MAGI1: variants seen among roughly 807,000 people sequenced by gnomAD.
MAGI1 encodes membrane-associated guanylate kinase, WW and PDZ domain-containing protein 1.
Under a neutral mutation model 139.9 loss-of-function variants are expected in MAGI1, and 58 were observed. The ratio of observed to expected loss-of-function variants is 0.41; its 90% CI spans 0.34 to 0.52. The LOEUF (loss-of-function observed/expected upper bound fraction) is 0.52. Among genes scored for constraint, MAGI1 ranks in the 20% least tolerant of loss-of-function variants. The probability of loss-of-function intolerance (pLI) is 0.12; values close to 1 mark genes in which losing one functional copy is unlikely to be tolerated. For synonymous variants in MAGI1, 812 were observed against 737.9 expected, an observed-to-expected ratio of 1.10 and a Z score of -1.63; for missense variants, 1,874 against 1,901.6, an observed-to-expected ratio of 0.99 and a Z score of 0.27.
At chr3:65,822,007 A>G (rs2041977200) in intron 1 of MAGI1, among the ~76,000 whole-genome samples, 1 of 152,198 alleles carries the variant, frequency 6.6e-6, no homozygotes, top group South Asian at 2.1e-4. Flanking sequence ...GATGGAAAGC[A>G]TCAAGTGCCT....
intron 1 of MAGI1, among the ~76,000 whole-genome samples, chr3:65,655,055 A>C (rs551222616): frequency 2.6e-5 from 4 of 152,232 alleles, no homozygotes; most frequent in Non-Finnish European, 5.9e-5. Flanking sequence ...TGGAATAGCA[A>C]GCCCAGTTGC....
At chr3:65,708,311 A>T (rs575442212) in intron 1 of MAGI1, among the ~76,000 whole-genome samples, 20 of 152,330 alleles carry the variant, frequency 1.3e-4, no homozygotes, top group African/African-American at 4.8e-4. Context: ...GTTAGCTTTC[A>T]TTGGGATAAG....
intron 2 of MAGI1, among the ~76,000 whole-genome samples, chr3:65,508,943 T>A (rs1335627543): frequency 6.6e-6 from 1 of 152,192 alleles, no homozygotes; most frequent in Non-Finnish European, 1.5e-5. Flanking sequence ...TTTCCTCCAT[T>A]TGGCAGCAGG....
intron 1 of MAGI1, among the ~76,000 whole-genome samples, chr3:65,857,459 T>C (rs1037708541): frequency 6.6e-6 from 1 of 152,198 alleles, no homozygotes; most frequent in Non-Finnish European, 1.5e-5. Flanking sequence ...AATCTTTGCA[T>C]TACTCCAGCC....
intron 1 of MAGI1, among the ~76,000 whole-genome samples, chr3:65,727,384 G>A (rs1036413673): frequency 6.6e-6 from 1 of 152,106 alleles, no homozygotes; most frequent in Non-Finnish European, 1.5e-5. Context: ...TAAAGAAACA[G>A]GGAGTTATTC....
At chr3:65,893,401 A>G (rs1227955871) in intron 1 of MAGI1, among the ~76,000 whole-genome samples, 1 of 152,188 alleles carries the variant, frequency 6.6e-6, no homozygotes, top group African/African-American at 2.4e-5. Flanking sequence ...GCACAAAACA[A>G]AATTTACATA....
chr3:65,779,151 C>T (rs962969260), intron 1 of MAGI1, among the ~76,000 whole-genome samples: 4 of 152,220 alleles, frequency 2.6e-5, no homozygotes, highest in Non-Finnish European at 2.9e-5. Flanking sequence ...TAGAATTCCA[C>T]AGGAATAACC....
intron 13 of MAGI1, among the ~76,000 whole-genome samples, chr3:65,393,923 T>C (rs1250581194): frequency 6.6e-6 from 1 of 152,204 alleles, no homozygotes; most frequent in African/African-American, 2.4e-5. Flanking sequence ...CCTTTTCCAC[T>C]TGATTCTTCT....
rs116523471 is a variant in MAGI1, at chr3:65,648,832, C to T, written c.314-26744G>A. 3.7e-3 allele frequency among the ~76,000 whole-genome samples: 556 copies of T among 152,246 alleles called. 5 individuals carry two copies. Among genetic ancestry groups the T allele is most frequent in the African/African-American group, 0.012 (511 of 41,538 alleles). Reference sequence around the variant, plus strand: ...TATATAGCTACAATATTTAAGACTACGTGGTATTGATGGGGATGCAGACAC... The same window carrying T: ...TATATAGCTACAATATTTAAGACTATGTGGTATTGATGGGGATGCAGACAC... On this transcript the variant is annotated intron_variant, in intron 1 of 22. Transcript: ENST00000402939.
intron 2 of MAGI1, among the ~76,000 whole-genome samples, chr3:65,605,966 C>T (rs1172614572): frequency 6.6e-6 from 1 of 152,168 alleles, no homozygotes; most frequent in African/African-American, 2.4e-5. Context: ...TCCTTTGCAT[C>T]CATTCAACTC....
At chr3:65,829,233 A>G (rs528253369) in intron 1 of MAGI1, among the ~76,000 whole-genome samples, 1 of 152,324 alleles carries the variant, frequency 6.6e-6, no homozygotes, top group South Asian at 2.1e-4. Flanking sequence ...GGCAAAATGA[A>G]GAGCATTTCT....
At chr3:65,852,641 T>C (rs2059243088) in intron 1 of MAGI1, among the ~76,000 whole-genome samples, 4 of 151,726 alleles carry the variant, frequency 2.6e-5, no homozygotes, top group Admixed American at 2.0e-4. Flanking sequence ...GTAGCTGGGA[T>C]TGCAGCCATG....
At chr3:65,748,122 G>A (rs894886250) in intron 1 of MAGI1, among the ~76,000 whole-genome samples, 1 of 152,204 alleles carries the variant, frequency 6.6e-6, no homozygotes. Context: ...AGGCAGTCAG[G>A]CTCCAAGCAT....
chr3:65,725,809 T>C (rs2033541005), intron 1 of MAGI1, among the ~76,000 whole-genome samples: 1 of 152,182 alleles, frequency 6.6e-6, no homozygotes, highest in African/African-American at 2.4e-5. Context: ...ATCTAGAAGT[T>C]AGAATTTCAA....
chr3:65,880,323 G>C (rs2060274093), intron 1 of MAGI1, among the ~76,000 whole-genome samples: 1 of 152,156 alleles, frequency 6.6e-6, no homozygotes, highest in African/African-American at 2.4e-5. Flanking sequence ...AGTAACAGTA[G>C]TGCTGGCAGT....
At chr3:65,903,306 G>A (rs2108632473) in intron 1 of MAGI1, among the ~76,000 whole-genome samples, 1 of 152,206 alleles carries the variant, frequency 6.6e-6, no homozygotes, top group South Asian at 2.1e-4. Context: ...CTTAATATTA[G>A]TACAGGAGTG....
chr3:65,998,025 C>T (rs2066545622), intron 1 of MAGI1, among the ~76,000 whole-genome samples: 1 of 151,552 alleles, frequency 6.6e-6, no homozygotes, highest in South Asian at 2.1e-4. Flanking sequence ...AACGCTTGAA[C>T]CCGGGAGGCA....
chr3:65,710,559 G>A (rs1488612025), intron 1 of MAGI1, among the ~76,000 whole-genome samples: 1 of 152,082 alleles, frequency 6.6e-6, no homozygotes, highest in Non-Finnish European at 1.5e-5. Context: ...TTACAGGCGT[G>A]AGCCACCGTG....
At chr3:65,549,402 C>T in intron 2 of MAGI1, 1 of 985,268 alleles carries the variant, frequency 1.0e-6, no homozygotes, top group South Asian at 4.7e-5. Flanking sequence ...AGGACAAAAC[C>T]GTTACCTGCG....
Sources: gnomAD v4.1 joint callset for allele counts (sites outside exome capture counted in the v4.1 genomes callset) on GRCh38, gnomAD v4.1.1 for gene constraint, MANE v1.5 for transcripts, NCBI Gene and HGNC (gene_info 2026-07-23, HGNC 2026-07-21) for gene names.